The following RBM6 variants were observed in gnomAD, a reference collection of about 807,000 sequenced individuals.
RBM6 encodes RNA-binding protein 6.
In RBM6, 23 loss-of-function variants were observed where a neutral mutation model predicts 140.4. The ratio of observed to expected loss-of-function variants is 0.16; its 90% confidence interval spans 0.12 to 0.23. RBM6 has a LOEUF of 0.23. Among genes scored for constraint, RBM6 ranks in the 10% least tolerant of loss-of-function variants. RBM6 has a pLI of 1.00. For synonymous variants in RBM6, 439 were observed against 475.6 expected (o/e 0.92, Z 1.00); for missense variants, 1,139 against 1,386.7 (o/e 0.82, Z 2.84).
At chr3:50,068,163 G>T (rs538250216) in intron 17 of RBM6, among the ~76,000 whole-genome samples, 18 of 152,320 alleles carry the variant, frequency 1.2e-4, no homozygotes, top group African/African-American at 4.3e-4. Flanking sequence ...CTTTCCTTAA[G>T]GTCGTCTGCT....
intron 1 of RBM6, among the ~76,000 whole-genome samples, chr3:49,948,585 G>A (rs918493466): frequency 2.0e-5 from 3 of 151,620 alleles, no homozygotes; most frequent in Non-Finnish European, 2.9e-5. Flanking sequence ...GTGGTGGCGC[G>A]CACCTAGTCC....
intron 4 of RBM6, among the ~76,000 whole-genome samples, chr3:49,973,809 CT>C (rs1399354472): frequency 1.3e-5 from 2 of 151,986 alleles, no homozygotes; most frequent in Non-Finnish European, 1.5e-5. Flanking sequence ...TGATCTTGAA[CT>C]CCTGACCTCA....
rs146792495 is a variant in RBM6 at position 50,017,073 on chromosome 3, A to G, written c.1557+17560A>G. On this transcript the variant is annotated intron_variant, in intron 6 of 20. Transcript: ENST00000266022. ...ACTCCTAGGCTCAAGTGATCCTCCC[A>G]CCTTGGTTTCTGAAAGTGCTGGGAT... Among the ~76,000 whole-genome samples, 410 of 152,082 alleles carry G rather than the reference A, an allele frequency of 2.7e-3. 1 individual carries two copies. Among genetic ancestry groups the G allele is most frequent in the African/African-American group, 9.3e-3 (387 of 41,470 alleles).
In RBM6 at chr3:49,960,389, A is replaced by G. The variant is rs1049863258; in HGVS notation, c.-66-2187A>G. The stretch of plus-strand genomic sequence containing the variant: ...TTTCTAAAACTGTCAAATTTGGTTC[A>G]GACAGTTACTACTTGTTTTTCTGAT... On this transcript the variant is annotated intron_variant, in intron 1 of 20. Transcript: ENST00000266022. 3.3e-5 allele frequency among the ~76,000 whole-genome samples: 5 copies of G among 152,206 alleles called. No homozygotes were observed. In the East Asian group the frequency reaches 9.6e-4, roughly 29 times the overall value.
At chr3:50,040,582 A>T (rs1231109758) in intron 6 of RBM6, among the ~76,000 whole-genome samples, 1 of 150,166 alleles carries the variant, frequency 6.7e-6, no homozygotes, top group Non-Finnish European at 1.5e-5. Context: ...CTATAGATAT[A>T]TACATATATA....
At chr3:50,051,963 T>G (rs1346678223) in intron 7 of RBM6, among the ~76,000 whole-genome samples, 1 of 152,210 alleles carries the variant, frequency 6.6e-6, no homozygotes, top group East Asian at 1.9e-4. Flanking sequence ...TAGATTTCTT[T>G]TGGGGTGATG....
At chr3:50,053,936 A>C (rs2089592305) in intron 7 of RBM6, 1 of 161,000 alleles carries the variant, frequency 6.2e-6, no homozygotes, top group Non-Finnish European at 1.4e-5. Flanking sequence ...TTGATAACTG[A>C]ATTCTCAGTT....
chr3:49,976,869 A>G (rs551225844), intron 5 of RBM6, among the ~76,000 whole-genome samples: 43 of 152,230 alleles, frequency 2.8e-4, no homozygotes, highest in Admixed American at 9.8e-4. Flanking sequence ...CACATGGGAA[A>G]TCATTCAGGG....
chr3:49,949,260 C>T (rs1290495555), intron 1 of RBM6, among the ~76,000 whole-genome samples: 2 of 151,928 alleles, frequency 1.3e-5, no homozygotes, highest in Non-Finnish European at 2.9e-5. Flanking sequence ...AAGAATAGGT[C>T]TTGTTGATTC....
chr3:50,059,954 TCCTTTC>T (rs1352973562), intron 11 of RBM6, among the ~76,000 whole-genome samples: 3 of 152,224 alleles, frequency 2.0e-5, no homozygotes, highest in African/African-American at 7.2e-5. Flanking sequence ...GGTACTTTTG[TCCTTTC>T]CCTTTTGACT....
At position 49,997,274 on chromosome 3, in the gene RBM6, A is replaced by G. The variant is rs185438920; in HGVS notation, c.1484-2166A>G. Among the ~76,000 whole-genome samples the G allele has an allele frequency of 2.0e-4, 30 of 152,198 alleles. No homozygotes were observed. The East Asian group carries it at 4.2e-3, about 22-fold the overall frequency. On this transcript the variant is annotated intron_variant, in intron 5 of 20. Transcript: ENST00000266022. The stretch of plus-strand genomic sequence containing the variant: ...ATTTAGTGTTGGGCTTGTGAATATA[A>G]TATTAAATCTGAAGTATGTTGTCAA...
At chr3:50,038,429 A>G (rs900396731) in intron 6 of RBM6, among the ~76,000 whole-genome samples, 7 of 152,220 alleles carry the variant, frequency 4.6e-5, no homozygotes, top group Admixed American at 4.6e-4. Context: ...TTAGAGACCT[A>G]TTCAATGAAG....
chr3:50,061,250 C>T (rs200288662), intron 13 of RBM6, 29 bp downstream of exon 13: 22 of 1,613,096 alleles, frequency 1.4e-5, no homozygotes, highest in Non-Finnish European at 1.9e-5. Flanking sequence ...ATTTCTGTTG[C>T]TCTTTTTTGC....
intron 7 of RBM6, among the ~76,000 whole-genome samples, chr3:50,053,538 A>G (rs1185566474): frequency 6.7e-6 from 1 of 148,930 alleles, no homozygotes; most frequent in Admixed American, 6.7e-5. Flanking sequence ...TCTCAAAAGA[A>G]AAAAAAAAAA....
Position 50,061,178 on chromosome 3 carries a change from A to G in RBM6, c.2310A>G (p.Arg770=). 1.2e-6 allele frequency: 2 copies of G among 1,614,240 alleles called. No homozygotes were observed. The highest frequency in any genetic ancestry group is 2.7e-5 in the African/African-American group (2 of 75,072). The change falls in exon 13 of 21, where the codon AGA becomes AGG. Residue 770 remains arginine (R), a synonymous_variant. Coordinates refer to ENST00000266022, the MANE Select transcript of RBM6 (RefSeq NM_005777.3). ...TCCGAGATAGGAGGGGAGGTGGCAGAAATTCAGACTGGTCTTCAGATACAA... is the reference window on the plus strand; with the variant it reads ...TCCGAGATAGGAGGGGAGGTGGCAGGAATTCAGACTGGTCTTCAGATACAA... ...KYFRDRRGGG[R]NSDWSSDTNR...
intron 6 of RBM6, among the ~76,000 whole-genome samples, chr3:50,022,897 AAG>A (rs2087582747): frequency 6.6e-6 from 1 of 152,030 alleles, no homozygotes; most frequent in African/African-American, 2.4e-5. Flanking sequence ...CCAGGAGTTC[AAG>A]ACCAGCCTGG....
chr3:49,953,198 G>A (rs532635998), intron 1 of RBM6, among the ~76,000 whole-genome samples: 6 of 151,420 alleles, frequency 4.0e-5, no homozygotes, highest in African/African-American at 1.5e-4. Flanking sequence ...TGGGACCTTA[G>A]GGGCGTGCCA....
In RBM6 at chr3:49,972,161, T is replaced by G; in HGVS notation, c.1413+13T>G. 6.4e-7 allele frequency: 1 copy of G among 1,562,732 alleles called. No homozygotes were observed. Among genetic ancestry groups the G allele is most frequent in the Non-Finnish European group, 8.8e-7 (1 of 1,142,664 alleles). ...CACAAAAGAAGAGGTAAGGCATGTCTTCTCTCCTGTTTCTCTGTGTCAATT... is the reference window on the plus strand; with the variant it reads ...CACAAAAGAAGAGGTAAGGCATGTCGTCTCTCCTGTTTCTCTGTGTCAATT... On this transcript the variant is annotated intron_variant, in intron 4 of 20. Transcript: ENST00000266022.
At chr3:50,041,271 A>G (rs896068866) in intron 6 of RBM6, among the ~76,000 whole-genome samples, 3 of 152,108 alleles carry the variant, frequency 2.0e-5, no homozygotes, top group African/African-American at 7.2e-5. Flanking sequence ...TATCTCCTGG[A>G]TGCTCAAAGT....
Sources: gnomAD v4.1 joint callset for allele counts (sites outside exome capture counted in the v4.1 genomes callset) on GRCh38, gnomAD v4.1.1 for gene constraint, MANE v1.5 for transcripts, NCBI Gene and HGNC (gene_info 2026-07-23, HGNC 2026-07-21) for gene names.